DMKN: variants seen among roughly 807,000 people sequenced by gnomAD.
DMKN encodes dermokine.
DMKN carries 58 observed loss-of-function variants against 67.6 expected under a neutral mutation model. The observed-to-expected ratio is 0.86, with a 90% CI of 0.69 to 1.07. The LOEUF (loss-of-function observed/expected upper bound fraction) is 1.07. DMKN is among the 50% of genes least tolerant of loss of function. The pLI is 0.00. For missense variants in DMKN, 596 were observed against 601.5 expected (o/e 0.99, Z 0.10); for synonymous variants, 240 against 232.3 (o/e 1.03, Z -0.30).
At chr19:35,498,300 T>C in intron 15 of DMKN, 1 of 201,638 alleles carries the variant, frequency 5.0e-6, no homozygotes, top group Non-Finnish European at 1.0e-5. Context: ...CTCACCTGGC[T>C]AATTTTTTGT....
intron 9 of DMKN, among the ~76,000 whole-genome samples, chr19:35,505,302 C>T (rs1311613785): frequency 6.6e-6 from 1 of 152,148 alleles, no homozygotes; most frequent in Non-Finnish European, 1.5e-5. Context: ...ATGCCTGTCA[C>T]CCCTGAGGCT....
chr19:35,512,457 G>A lies in DMKN; in HGVS notation c.648C>T (p.Gly216=), dbSNP rs1375506530. The change falls in exon 3 of 16, where the codon GGC becomes GGT. Residue 216 remains glycine (G), a synonymous_variant. Coordinates refer to ENST00000339686, the MANE Select transcript of DMKN (RefSeq NM_033317.5). The part of the protein sequence containing the change: ...TNTQGAVAQP[G]YGSVRASNQN... ...GGTTGCTGGCTCTCACTGAACCATA[G>A]CCAGGCTGGGCCACAGCTCCCTGCA... 13 of 1,614,164 alleles carry A rather than the reference G, an allele frequency of 8.1e-6. No homozygotes were observed. Among genetic ancestry groups the A allele is most frequent in the African/African-American group, 1.3e-5 (1 of 75,036 alleles).
chr19:35,509,983 G>A (rs775463948), intron 6 of DMKN, 22 bp from the exon 7 acceptor site: 1 of 1,613,836 alleles, frequency 6.2e-7, no homozygotes, highest in African/African-American at 1.3e-5. Context: ...AGAAAGGGGA[G>A]ACTTTCCCTC....
Position 35,510,184 on chromosome 19 carries a change from C to G in DMKN, c.987G>C (p.Gly329=). The G allele has an allele frequency of 1.9e-6, 3 of 1,608,104 alleles. No homozygotes were observed. Among genetic ancestry groups the G allele is most frequent in the Non-Finnish European group, 1.7e-6 (2 of 1,177,350 alleles). The stretch of plus-strand genomic sequence containing the variant: ...TGGGAGATTCACGCCAGCCACTCAC[C>G]CCGGGTTTATGTCCATTTCCTCCGC... The part of the protein sequence containing the change: ...GSGGGNGHKP[G]CEKPGNEARG... Residue 329 remains glycine (G), a splice_region_variant and synonymous_variant, in exon 6 of 16, where the codon GGG becomes GGC. Transcript: ENST00000339686.
chr19:35,503,594 G>C (rs2068850087), intron 9 of DMKN: 3 of 1,163,918 alleles, frequency 2.6e-6, no homozygotes, highest in Admixed American at 4.9e-5. Flanking sequence ...TCCTGCCTCA[G>C]CCTCCCAAGT....
intron 5 of DMKN, 73 bp from the exon 6 acceptor site, chr19:35,510,325 T>C (rs1230626661): frequency 6.4e-7 from 1 of 1,554,016 alleles, no homozygotes; most frequent in Admixed American, 2.0e-5. Flanking sequence ...CCAGCGGTGT[T>C]ACAGATTTGT....
At chr19:35,504,452 CTGTAA>C (rs2069040523) in intron 9 of DMKN, among the ~76,000 whole-genome samples, 2 of 151,836 alleles carry the variant, frequency 1.3e-5, no homozygotes, top group African/African-American at 4.8e-5. Context: ...TGGCGGGCAC[CTGTAA>C]ACTCAGCTAC....
At chr19:35,510,003 C>T in intron 6 of DMKN, 42 bp from the exon 7 acceptor site, 1 of 1,611,750 alleles carries the variant, frequency 6.2e-7, no homozygotes, top group Non-Finnish European at 8.5e-7. Flanking sequence ...CAGTCCCCTC[C>T]CAGACCAGTC....
chr19:35,510,236 G>A lies in DMKN; in HGVS notation c.935C>T (p.Ser312Phe). ...SESSWGSSTG[S>F]SSGNHGGSGG... ...GCTCCCACCGTGGTTGCCGGAGGAG[G>A]AGCCGGTGCTGGATCCCTGCAGGGG... is the stretch of plus-strand genomic sequence containing the variant. The change falls in exon 6 of 16, where the codon TCC becomes TTC. Residue 312 changes from serine (S) to phenylalanine (F), a missense_variant. Ser to Phe is a radical substitution (Grantham distance 155). Coordinates refer to ENST00000339686, the MANE Select transcript of DMKN (RefSeq NM_033317.5). 1.2e-6 allele frequency: 2 copies of A among 1,607,152 alleles called. No individual in the cohort carries two copies. Among genetic ancestry groups the A allele is most frequent in the Non-Finnish European group, 1.7e-6 (2 of 1,176,934 alleles).
chr19:35,501,618 G>A (rs2068377013), intron 11 of DMKN, among the ~76,000 whole-genome samples: 1 of 152,186 alleles, frequency 6.6e-6, no homozygotes, highest in Non-Finnish European at 1.5e-5. Context: ...GAATTGGAGT[G>A]TGGTCTTTGG....
At chr19:35,506,285 C>G in intron 7 of DMKN, 3 of 1,235,092 alleles carry the variant, frequency 2.4e-6, no homozygotes, top group Non-Finnish European at 3.3e-6. Flanking sequence ...CACCTCGGTC[C>G]AGGCTTCCTG....
At chr19:35,502,481 C>T (rs182812388) in intron 10 of DMKN, among the ~76,000 whole-genome samples, 25 of 151,998 alleles carry the variant, frequency 1.6e-4, no homozygotes, top group Non-Finnish European at 2.8e-4. Flanking sequence ...AGGTGGATCA[C>T]GAGGTCAGGA....
At position 35,511,498 on chromosome 19, in the gene DMKN, G is replaced by T. The variant is rs902721988; in HGVS notation, c.831C>A (p.Ser277Arg). ...TGCTGCCGCCACTGCTGCCGCCACTGCTGCTGCCACTGCTGCTGCCACCAC... is the reference window on the plus strand; with the variant it reads ...TGCTGCCGCCACTGCTGCCGCCACTTCTGCTGCCACTGCTGCTGCCACCAC... ...SSSGGSSSGS[S>R]SGGSSGGSSG... Residue 277 changes from serine (S) to arginine (R), a missense_variant, in exon 5 of 16, where the codon AGC becomes AGA. By Grantham distance (110) the Ser-to-Arg change is moderately radical (BLOSUM62 -1). Transcript: ENST00000339686. 9.3e-6 allele frequency: 10 copies of T among 1,080,094 alleles called. No individual in the cohort carries two copies. Among genetic ancestry groups the T allele is most frequent in the Non-Finnish European group, 1.1e-5 (9 of 833,134 alleles). The allele number at this position is 1,080,094 out of a possible 1,614,324, so 66.9% of individuals were successfully genotyped here. A position where few individuals can be genotyped will look rare whatever the true frequency, so the allele number is the denominator to read the frequency against.
intron 12 of DMKN, 43 bp downstream of exon 12, chr19:35,500,490 G>A (rs754696072): frequency 3.6e-5 from 58 of 1,595,706 alleles, no homozygotes; most frequent in Middle Eastern, 1.6e-4. Flanking sequence ...AAGGCCAAGG[G>A]GGACCAAGGG....
In DMKN at chr19:35,513,398, G is replaced by A. The variant is rs754296680; in HGVS notation, c.78C>T (p.Ser26=). 19 of 1,607,870 alleles carry A rather than the reference G, an allele frequency of 1.2e-5. No homozygotes were observed. Among genetic ancestry groups the A allele is most frequent in the Admixed American group, 3.3e-5 (2 of 60,000 alleles). ...TATTTGTCCCAGTGCTTTCCTCTCC[G>A]CTCTGCAGGGGGCCAGCCTCCCCAC... is the stretch of plus-strand genomic sequence containing the variant. ...LGSGEAGPLQ[S]GEESTGTNIG... is the part of the protein sequence containing the mutation. The change falls in exon 1 of 16, where the codon AGC becomes AGT. Residue 26 remains serine (S), a synonymous_variant. Transcript: ENST00000339686.
In DMKN at chr19:35,511,524, T is replaced by G; in HGVS notation, c.805A>C (p.Ser269Arg). ...CTGCTGCCACTGCTGCTGCCACCAC[T>G]GCTGCTGCCATTGTTGTTGTCACCA... The part of the protein sequence containing the change: ...SNGDNNNGSS[S>R]GGSSSGSSSG... The change falls in exon 5 of 16, where the codon AGT becomes CGT. Residue 269 changes from serine to arginine, a missense_variant. Transcript: ENST00000339686. 1 of 1,548,656 alleles carries G rather than the reference T, an allele frequency of 6.5e-7. No individual in the cohort carries two copies.
intron 9 of DMKN, chr19:35,503,425 G>C: frequency 3.2e-6 from 5 of 1,551,276 alleles, no homozygotes; most frequent in Non-Finnish European, 4.4e-6. Context: ...TGGAGGTCAC[G>C]GGATGCGAGA....
chr19:35,503,941 G>T (rs2068933510), intron 9 of DMKN, among the ~76,000 whole-genome samples: 1 of 152,066 alleles, frequency 6.6e-6, no homozygotes, highest in Non-Finnish European at 1.5e-5. Context: ...AGAACCCCCT[G>T]CATCGTCAGG....
At chr19:35,499,210 G>A in intron 13 of DMKN, 1 of 430,914 alleles carries the variant, frequency 2.3e-6, no homozygotes. Flanking sequence ...ACCCGGCAGA[G>A]TGGAAGCCAC....
Sources: allele counts gnomAD v4.1 joint callset (sites outside exome capture counted in the v4.1 genomes callset), GRCh38; gene constraint gnomAD v4.1.1; transcripts MANE v1.5; gene names NCBI Gene and HGNC (gene_info 2026-07-23, HGNC 2026-07-21).